Variants in RBM25 observed in about 807,000 individuals in gnomAD.
RBM25 encodes the protein RNA-binding protein 25.
Under a neutral mutation model 120.7 loss-of-function variants are expected in RBM25, and 19 were observed. The ratio of observed to expected loss-of-function variants is 0.16; its 90% confidence interval spans 0.11 to 0.23. RBM25 has a LOEUF of 0.23. Ranked by LOEUF, RBM25 falls within the 10% of genes least tolerant of loss-of-function variation. The probability of loss-of-function intolerance (pLI) is 1.00; values close to 1 mark genes in which losing one functional copy is unlikely to be tolerated. For synonymous variants in RBM25, 390 were observed against 326.7 expected (o/e 1.19, Z -2.09); for missense variants, 605 against 1,041.5 (o/e 0.58, Z 5.77).
intron 14 of RBM25, among the ~76,000 whole-genome samples, chr14:73,110,488 G>A (rs1452219768): frequency 6.7e-6 from 1 of 150,330 alleles, no homozygotes; most frequent in Non-Finnish European, 1.5e-5. Flanking sequence ...GCTGTAGTGC[G>A]ATTCTGCAAG....
Position 73,119,905 on chromosome 14 carries a change from AT to A in RBM25, c.*112del, listed in dbSNP as rs375268436. 28,444 of 1,038,574 alleles carry A rather than the reference AT, an allele frequency of 0.027. No individual in the cohort carries two copies. The highest frequency in any genetic ancestry group is 0.042 in the East Asian group (1,253 of 29,600). The allele number at this position is 1,038,574 out of a possible 1,614,324, so 64.3% of individuals were successfully genotyped here. Reference sequence around the variant, plus strand: ...CTTTGAAGACATTGTGAGATCTGTAATTTTTTTTTTTTGTAGAAAATGTGAA... The same window carrying A: ...CTTTGAAGACATTGTGAGATCTGTAATTTTTTTTTTTGTAGAAAATGTGAA... On this transcript the variant is annotated 3_prime_UTR_variant, in exon 19 of 19. Transcript: ENST00000261973.
intron 18 of RBM25, among the ~76,000 whole-genome samples, chr14:73,118,185 G>A (rs1044605631): frequency 2.0e-5 from 3 of 152,184 alleles, no homozygotes; most frequent in South Asian, 4.1e-4. Context: ...AGTTAAGATG[G>A]TACGGTTGGG....
In RBM25 at chr14:73,103,954, A is replaced by T. The variant is rs1035569159; in HGVS notation, c.1154+476A>T. Among the ~76,000 whole-genome samples, 136 of 95,638 alleles carry T rather than the reference A, an allele frequency of 1.4e-3. 3 individuals carry two copies. The highest frequency in any genetic ancestry group is 0.01 in the Middle Eastern group (2 of 200). 62.7% of individuals were successfully genotyped at this position (95,638 alleles called of 152,430 possible). A position where few individuals can be genotyped will look rare whatever the true frequency, so the allele number is the denominator to read the frequency against. On this transcript the variant is annotated intron_variant, in intron 10 of 18. Transcript: ENST00000261973. The stretch of plus-strand genomic sequence containing the variant: ...CTCTCTCTCTCTCTCTCTCTCACAC[A>T]CACACACACACACACACACACACAC...
chr14:73,092,713 TC>T (rs769989975), intron 6 of RBM25, among the ~76,000 whole-genome samples: 38 of 152,136 alleles, frequency 2.5e-4, no homozygotes, highest in Middle Eastern at 3.4e-3. Context: ...CCTAATCCTA[TC>T]CCTCCCACCT....
intron 1 of RBM25, chr14:73,067,989 A>C (rs762395086): frequency 3.7e-6 from 1 of 272,314 alleles, no homozygotes; most frequent in Non-Finnish European, 7.1e-6. Context: ...ATCTTGATGG[A>C]GCAGTCTGAG....
At chr14:73,100,394 T>C in intron 9 of RBM25, 1 of 612,206 alleles carries the variant, frequency 1.6e-6, no homozygotes, top group Non-Finnish European at 3.0e-6. Context: ...TTATTATATT[T>C]ATGGATGCCC....
intron 11 of RBM25, 34 bp from the exon 12 acceptor site, chr14:73,106,162 A>C: frequency 5.7e-6 from 9 of 1,577,528 alleles, no homozygotes; most frequent in Middle Eastern, 1.7e-4. Context: ...GCTATGTATA[A>C]ATTTTTAAAG....
At chr14:73,071,995 T>C (rs1381277589) in intron 2 of RBM25, among the ~76,000 whole-genome samples, 1 of 151,902 alleles carries the variant, frequency 6.6e-6, no homozygotes, top group Non-Finnish European at 1.5e-5. Flanking sequence ...TTTTTTGAGC[T>C]AGAGTCTTGC....
chr14:73,118,440 T>C (rs1385059369), intron 18 of RBM25, among the ~76,000 whole-genome samples: 7 of 151,070 alleles, frequency 4.6e-5, no homozygotes, highest in African/African-American at 1.7e-4. Flanking sequence ...ATCATGCCAC[T>C]GTACTCCAGG....
chr14:73,111,548 C>A lies in RBM25; in HGVS notation c.2038C>A (p.Gln680Lys). ...TGTAGGTGCTTCCAATAGTCCTGGT[C>A]AGCCTAATTCTGTGAAGAGAAAGAA... ...LKLGASNSPG[Q>K]PNSVKRKKLP... The change falls in exon 16 of 19, where the codon CAG becomes AAG. Residue 680 changes from glutamine to lysine, a missense_variant. By Grantham distance (53) the Gln-to-Lys change is moderately conservative. This residue lies in a region of RBM25 where 465 missense variants were observed against 741.6 expected (regional missense o/e 0.63). Coordinates refer to ENST00000261973, the MANE Select transcript of RBM25 (RefSeq NM_021239.3). The A allele has an allele frequency of 6.2e-7, 1 of 1,606,866 alleles. No individual in the cohort carries two copies. Among genetic ancestry groups the A allele is most frequent in the South Asian group, 1.1e-5 (1 of 89,492 alleles).
At chr14:73,087,953 T>C (rs374368083) in intron 5 of RBM25, 48 bp from the exon 6 acceptor site, 2 of 1,570,260 alleles carry the variant, frequency 1.3e-6, no homozygotes, top group Non-Finnish European at 1.7e-6. Context: ...ATTTTTTTTC[T>C]TTTGTAAGTG....
intron 6 of RBM25, 105 bp downstream of exon 6, chr14:73,088,266 G>A (rs1490623716): frequency 1.4e-6 from 2 of 1,396,220 alleles, no homozygotes; most frequent in Non-Finnish European, 1.0e-6. Flanking sequence ...AGATCATCAT[G>A]TATGTGCTTG....
In RBM25 at chr14:73,120,402, C is replaced by G. The variant is rs1329315148; in HGVS notation, c.*597C>G. On this transcript the variant is annotated 3_prime_UTR_variant, in exon 19 of 19. Coordinates refer to ENST00000261973, the MANE Select transcript of RBM25 (RefSeq NM_021239.3). ...TTTGGTGGGGTCCTTAAAACATTTC[C>G]CAACTAAAGAATAGAATTGTAAAGG... is the stretch of plus-strand genomic sequence containing the variant. The G allele has an allele frequency of 6.6e-6, 1 of 152,588 alleles. No homozygotes were observed. Among genetic ancestry groups the G allele is most frequent in the African/African-American group, 2.4e-5 (1 of 41,406 alleles). The allele number at this position is 152,588 out of a possible 1,614,324, so 9.5% of individuals were successfully genotyped here.
chr14:73,099,592 A>C, intron 8 of RBM25, 75 bp from the exon 9 acceptor site: 1 of 1,585,730 alleles, frequency 6.3e-7, no homozygotes, highest in Non-Finnish European at 8.5e-7. Flanking sequence ...CCTATACAGA[A>C]TATCTAACCT....
rs1399107769 is a variant in RBM25, at chr14:73,122,239, T to G, written c.*2434T>G. Reference sequence around the variant, plus strand: ...TTCATTTTGCCATTTCAAGTTGTTATATAAAGAGCATGAAAGTCTTTTTTT... The same window carrying G: ...TTCATTTTGCCATTTCAAGTTGTTAGATAAAGAGCATGAAAGTCTTTTTTT... On this transcript the variant is annotated 3_prime_UTR_variant, in exon 19 of 19. Coordinates refer to ENST00000261973, the MANE Select transcript of RBM25 (RefSeq NM_021239.3). The G allele has an allele frequency of 1.3e-5, 2 of 151,800 alleles. No homozygotes were observed. The highest frequency in any genetic ancestry group is 4.8e-5 in the African/African-American group (2 of 41,394). The allele number at this position is 151,800 out of a possible 1,614,324, so 9.4% of individuals were successfully genotyped here. A position where few individuals can be genotyped will look rare whatever the true frequency, so the allele number is the denominator to read the frequency against.
intron 1 of RBM25, among the ~76,000 whole-genome samples, chr14:73,067,635 GC>G (rs1252764579): frequency 7.8e-6 from 1 of 127,528 alleles, no homozygotes; most frequent in Non-Finnish European, 1.6e-5. Flanking sequence ...ACAGAGTCTC[GC>G]TCTGTTGCCC....
At chr14:73,061,629 C>T (rs1436614997) in intron 1 of RBM25, among the ~76,000 whole-genome samples, 2 of 151,222 alleles carry the variant, frequency 1.3e-5, no homozygotes, top group South Asian at 2.1e-4. Flanking sequence ...GGCAGTGCTG[C>T]GATCTTGGCT....
intron 2 of RBM25, among the ~76,000 whole-genome samples, chr14:73,072,949 C>T (rs1352400835): frequency 6.6e-6 from 1 of 151,782 alleles, no homozygotes; most frequent in East Asian, 1.9e-4. Flanking sequence ...GTGTTTTGGG[C>T]GAGGCCTCAC....
rs1896021029 is a variant in RBM25 at position 73,099,702 on chromosome 14, A to G, written c.819A>G (p.Lys273=). The G allele has an allele frequency of 1.2e-6, 2 of 1,607,498 alleles. No homozygotes were observed. Among genetic ancestry groups the G allele is most frequent in the Admixed American group, 1.7e-5 (1 of 57,878 alleles). Residue 273 remains lysine, a synonymous_variant, in exon 9 of 19, where the codon AAA becomes AAG. Transcript: ENST00000261973. ...DINAIEMEED[K]RDLISREISK... Reference sequence around the variant, plus strand: ...ATGCTATAGAAATGGAAGAAGACAAAAGAGACCTGATATCTCGAGAGATCA... The same window carrying G: ...ATGCTATAGAAATGGAAGAAGACAAGAGAGACCTGATATCTCGAGAGATCA...
Sources: allele counts gnomAD v4.1 joint callset (sites outside exome capture counted in the v4.1 genomes callset), GRCh38; gene constraint gnomAD v4.1.1; regional missense constraint gnomAD v4.1.1; transcripts MANE v1.5; gene names NCBI Gene and HGNC (gene_info 2026-07-23, HGNC 2026-07-21).